Variants in EPG5 observed in about 807,000 individuals in gnomAD.
The protein encoded by EPG5 is ectopic P granules protein 5 homolog.
In EPG5, 159 loss-of-function variants were observed where a neutral mutation model predicts 302.7. The ratio of observed to expected loss-of-function variants is 0.53; its 90% CI spans 0.46 to 0.60. The LOEUF (loss-of-function observed/expected upper bound fraction) is 0.60, where lower values mean the gene tolerates loss of function less well. EPG5 is among the 20% of genes least tolerant of loss of function. The probability of loss-of-function intolerance (pLI) is 0.00; values close to 1 mark genes in which losing one functional copy is unlikely to be tolerated. For synonymous variants in EPG5, 1,158 were observed against 1,136.8 expected (o/e 1.02, Z -0.37); for missense variants, 2,896 against 3,092.4 (o/e 0.94, Z 1.51).
intron 7 of EPG5, among the ~76,000 whole-genome samples, chr18:45,945,428 G>T (rs1051214228): frequency 7.9e-5 from 12 of 152,094 alleles, no homozygotes; most frequent in African/African-American, 2.9e-4. Flanking sequence ...CTTTTCTGAG[G>T]TAATGGCACT....
chr18:45,899,079 C>T (rs1331832300), intron 27 of EPG5, among the ~76,000 whole-genome samples: 1 of 152,062 alleles, frequency 6.6e-6, no homozygotes, highest in Non-Finnish European at 1.5e-5. Context: ...GAGCCAAGAT[C>T]GCGCCACTGC....
chr18:45,855,503 G>A (rs2048497196), intron 43 of EPG5, 70 bp downstream of exon 43: 9 of 1,097,866 alleles, frequency 8.2e-6, no homozygotes, highest in Middle Eastern at 4.0e-4. Flanking sequence ...CACAGGCTAC[G>A]GCTGCCACCT....
intron 1 of EPG5, among the ~76,000 whole-genome samples, chr18:45,965,781 C>A (rs778893232): frequency 5.2e-4 from 79 of 152,298 alleles, no homozygotes; most frequent in Non-Finnish European, 5.6e-4. Flanking sequence ...AGGGTGGGCG[C>A]GGTGGCTCAC....
Position 45,866,946 on chromosome 18 carries a change from A to G in EPG5, c.6473T>C (p.Ile2158Thr), listed in dbSNP as rs2048760680. The change falls in exon 38 of 44, where the codon ATT becomes ACT. Residue 2158 changes from isoleucine (I) to threonine (T), a missense_variant. Coordinates refer to ENST00000282041, the MANE Select transcript of EPG5 (RefSeq NM_020964.3). ...TSSLSWHLVDIVSYQSVLSYF... is the reference protein window; with the variant it reads ...TSSLSWHLVDTVSYQSVLSYF... ...ACTTAGCACACTCTGGTACGACACA[A>G]TATCCACAAGATGCCATGAAAGTGA... 14 of 1,614,208 alleles carry G rather than the reference A, an allele frequency of 8.7e-6. No individual in the cohort carries two copies. The highest frequency in any genetic ancestry group is 1.2e-5 in the Non-Finnish European group (14 of 1,180,018).
the EPG5 span, among the ~76,000 whole-genome samples, chr18:45,805,889 A>C: frequency 6.6e-6 from 1 of 152,214 alleles, no homozygotes; most frequent in Non-Finnish European, 1.5e-5. Flanking sequence ...ACAATTCTAC[A>C]ACCATAGATT....
intron 13 of EPG5, among the ~76,000 whole-genome samples, chr18:45,927,666 G>A (rs1243107445): frequency 6.7e-6 from 1 of 148,566 alleles, no homozygotes; most frequent in African/African-American, 2.5e-5. Flanking sequence ...GCTTAAAAAT[G>A]AAGTAAATGC....
intron 7 of EPG5, 49 bp from the exon 8 acceptor site, chr18:45,944,168 C>T (rs370178362): frequency 1.7e-6 from 2 of 1,166,126 alleles, no homozygotes; most frequent in Non-Finnish European, 2.6e-6. Context: ...TCAGATCACA[C>T]TATGATCTAG....
intron 1 of EPG5, among the ~76,000 whole-genome samples, chr18:45,961,911 ACTC>A (rs918191552): frequency 6.7e-6 from 1 of 150,002 alleles, no homozygotes; most frequent in Non-Finnish European, 1.5e-5. Flanking sequence ...TCTCACCAGT[ACTC>A]CTCAACTCTT....
At chr18:45,828,487 AC>A in the EPG5 span, among the ~76,000 whole-genome samples, 1 of 151,860 alleles carries the variant, frequency 6.6e-6, no homozygotes, top group African/African-American at 2.4e-5. Flanking sequence ...AGCTCCAACC[AC>A]CCGAGTGACC....
chr18:45,928,645 C>T (rs1290987994), intron 13 of EPG5, among the ~76,000 whole-genome samples: 2 of 152,166 alleles, frequency 1.3e-5, no homozygotes, highest in Non-Finnish European at 2.9e-5. Flanking sequence ...GTGGACAAGT[C>T]AACCTTGAGA....
At chr18:45,916,365 A>G in intron 18 of EPG5, 73 bp downstream of exon 18, 1 of 1,566,516 alleles carries the variant, frequency 6.4e-7, no homozygotes, top group Non-Finnish European at 8.7e-7. Context: ...ACTAAAACCT[A>G]AGTGTGCTAA....
intron 24 of EPG5, among the ~76,000 whole-genome samples, chr18:45,905,802 C>T (rs960923266): frequency 6.6e-6 from 1 of 152,100 alleles, no homozygotes; most frequent in African/African-American, 2.4e-5. Context: ...CTCAGAGAAC[C>T]AAGAAAGCTA....
intron 7 of EPG5, among the ~76,000 whole-genome samples, chr18:45,944,837 T>C (rs758849037): frequency 1.3e-5 from 2 of 152,238 alleles, no homozygotes; most frequent in East Asian, 1.9e-4. Flanking sequence ...CTATGTAGTA[T>C]GCAACAGACT....
At chr18:45,900,911 A>C in intron 26 of EPG5, 85 bp downstream of exon 26, 1 of 1,450,378 alleles carries the variant, frequency 6.9e-7, no homozygotes, top group South Asian at 1.4e-5. Context: ...AAATGCTGAC[A>C]AGGAAGCCAC....
At chr18:45,937,371 CAT>C (rs1316634653) in intron 10 of EPG5, among the ~76,000 whole-genome samples, 1 of 150,038 alleles carries the variant, frequency 6.7e-6, no homozygotes. Context: ...TACACACACA[CAT>C]ATATATACAC....
rs909604612 is a variant in EPG5 at position 45,931,875 on chromosome 18, A to G, written c.2258-1045T>C. On this transcript the variant is annotated intron_variant, in intron 11 of 43. Coordinates refer to ENST00000282041, the MANE Select transcript of EPG5 (RefSeq NM_020964.3). ...ATAAAATTAAATTAAATATATACAT[A>G]TATATATATATCCTTGATGGAACTT... 2.7e-5 allele frequency among the ~76,000 whole-genome samples: 4 copies of G among 149,852 alleles called. No homozygotes were observed. The East Asian group carries it at 5.8e-4, about 22-fold the overall frequency.
chr18:45,817,036 G>A, the EPG5 span, among the ~76,000 whole-genome samples: 1 of 152,194 alleles, frequency 6.6e-6, no homozygotes, highest in Non-Finnish European at 1.5e-5. Flanking sequence ...AACACCTTAT[G>A]TTCTCACTCA....
chr18:45,837,711 G>T, the EPG5 span: 2 of 1,491,066 alleles, frequency 1.3e-6, no homozygotes. Flanking sequence ...AGCGAGCTCT[G>T]CCAGACGGCG....
At chr18:45,817,734 C>T in the EPG5 span, among the ~76,000 whole-genome samples, 1 of 152,326 alleles carries the variant, frequency 6.6e-6, no homozygotes, top group East Asian at 1.9e-4. Flanking sequence ...AGCTGGCTTC[C>T]TCCAGAGTAA....
Sources: gnomAD v4.1 joint callset for allele counts (sites outside exome capture counted in the v4.1 genomes callset) on GRCh38, gnomAD v4.1.1 for gene constraint, MANE v1.5 for transcripts, NCBI Gene and HGNC (gene_info 2026-07-23, HGNC 2026-07-21) for gene names.